The following TRPM3 variants were observed in gnomAD, a reference collection of about 807,000 sequenced individuals.
TRPM3 encodes long transient receptor potential channel 3.
In TRPM3, 77 loss-of-function variants were observed where a neutral mutation model predicts 181.2. The observed-to-expected ratio is 0.42, with a 90% CI of 0.35 to 0.51. The LOEUF is 0.51. Ranked by LOEUF, TRPM3 falls within the 20% of genes least tolerant of loss-of-function variation. The pLI is 0.01. For missense variants in TRPM3, 1,759 were observed against 2,196.7 expected (o/e 0.80, Z 3.98); for synonymous variants, 745 against 796.4 (o/e 0.94, Z 1.09).
In TRPM3 at chr9:71,446,751, G is replaced by T. The variant is rs1326097182; in HGVS notation, c.85C>A (p.Arg29=). Residue 29 remains arginine (R), a synonymous_variant, in exon 1 of 25, where the codon CGG becomes AGG. Transcript: ENST00000357533. The stretch of plus-strand genomic sequence containing the variant: ...GCAAACCTGCCCCGGCTGGCGCTCC[G>T]GCTGCGTCTGCGGCTCTCCGCGTTG... 1.9e-6 allele frequency: 3 copies of T among 1,550,422 alleles called. No homozygotes were observed. In the African/African-American group the frequency reaches 4.1e-5, roughly 21 times the overall value.
intron 1 of TRPM3, among the ~76,000 whole-genome samples, chr9:71,147,870 G>A (rs2075513136): frequency 6.6e-6 from 1 of 152,114 alleles, no homozygotes; most frequent in Non-Finnish European, 1.5e-5. Flanking sequence ...TTCTAATTAT[G>A]TGGCACTTTC....
intron 1 of TRPM3, among the ~76,000 whole-genome samples, chr9:71,215,360 G>C (rs1189246327): frequency 6.6e-6 from 1 of 152,166 alleles, no homozygotes; most frequent in East Asian, 1.9e-4. Context: ...GCTTGTAACA[G>C]GCATTCCTGG....
At chr9:70,981,747 T>A (rs1309618189) in intron 1 of TRPM3, among the ~76,000 whole-genome samples, 1 of 152,216 alleles carries the variant, frequency 6.6e-6, no homozygotes, top group African/African-American at 2.4e-5. Context: ...ACTATTATCA[T>A]GCAAGGATGA....
At chr9:71,338,799 T>C (rs767325323) in intron 1 of TRPM3, among the ~76,000 whole-genome samples, 1 of 152,152 alleles carries the variant, frequency 6.6e-6, no homozygotes, top group Non-Finnish European at 1.5e-5. Flanking sequence ...GTCAGCATCT[T>C]ACTTGATAGA....
intron 8 of TRPM3, among the ~76,000 whole-genome samples, chr9:70,695,927 G>T (rs774497698): frequency 3.9e-5 from 6 of 152,148 alleles, no homozygotes; most frequent in African/African-American, 1.2e-4. Flanking sequence ...CTGCTTATCT[G>T]CATCCTTTAA....
At chr9:70,679,913 T>A (rs1197296874) in intron 9 of TRPM3, among the ~76,000 whole-genome samples, 4 of 152,170 alleles carry the variant, frequency 2.6e-5, no homozygotes, top group African/African-American at 9.7e-5. Context: ...CAGTATGCTT[T>A]GTGGTTCAGT....
At chr9:70,555,368 C>T (rs2047422594) in intron 22 of TRPM3, among the ~76,000 whole-genome samples, 1 of 152,154 alleles carries the variant, frequency 6.6e-6, no homozygotes. Context: ...GTCACCATTG[C>T]CAGTTTATTC....
At chr9:71,089,013 G>C (rs1285230480) in intron 1 of TRPM3, among the ~76,000 whole-genome samples, 2 of 150,482 alleles carry the variant, frequency 1.3e-5, no homozygotes, top group Admixed American at 6.7e-5. Context: ...AATAATCATG[G>C]TGCTATATTA....
At chr9:71,071,342 T>A (rs1452616786) in intron 1 of TRPM3, among the ~76,000 whole-genome samples, 5 of 152,214 alleles carry the variant, frequency 3.3e-5, no homozygotes, top group Non-Finnish European at 7.3e-5. Flanking sequence ...TATTTGGGAA[T>A]CTTTTGATTA....
At chr9:71,386,308 G>A (rs527383395) in intron 1 of TRPM3, among the ~76,000 whole-genome samples, 9 of 152,014 alleles carry the variant, frequency 5.9e-5, no homozygotes, top group African/African-American at 1.9e-4. Flanking sequence ...AATTAGCCCG[G>A]TGTGGCGGTG....
chr9:71,395,741 T>G (rs997658665), intron 1 of TRPM3, among the ~76,000 whole-genome samples: 2 of 152,358 alleles, frequency 1.3e-5, no homozygotes, highest in South Asian at 2.1e-4. Flanking sequence ...ACTTACTAGG[T>G]TCACGGAATG....
chr9:70,957,152 C>A (rs1056152887), intron 1 of TRPM3, among the ~76,000 whole-genome samples: 1 of 151,800 alleles, frequency 6.6e-6, no homozygotes, highest in Non-Finnish European at 1.5e-5. Flanking sequence ...TTAGTAGAGA[C>A]GGGGTTTCAC....
Position 70,681,595 on chromosome 9 carries a change from G to C in TRPM3, c.1273-17C>G. ...TACCGTAATCTGCAATTTGAGACAA[G>C]GTGATCATTAGCAAAGCATTTTTCC... On this transcript the variant is annotated splice_polypyrimidine_tract_variant and intron_variant, in intron 8 of 25. Coordinates refer to ENST00000677713, the MANE Select transcript of TRPM3 (RefSeq NM_001366145.2). The C allele has an allele frequency of 6.2e-7, 1 of 1,611,700 alleles. No homozygotes were observed. Among genetic ancestry groups the C allele is most frequent in the Non-Finnish European group, 8.5e-7 (1 of 1,177,946 alleles).
In TRPM3 at chr9:70,745,624, C is replaced by T. The variant is rs190596320; in HGVS notation, c.1272+15977G>A. ...AAACTTTTCTAAACTTGATGCATGA[C>T]TCTATGACTTTGAGCCATTTGGTGT... On this transcript the variant is annotated intron_variant, in intron 8 of 25. Transcript: ENST00000677713. Among the ~76,000 whole-genome samples the T allele has an allele frequency of 3.9e-5, 6 of 152,262 alleles. No homozygotes were observed. In the East Asian group the frequency reaches 1.2e-3, roughly 29 times the overall value.
chr9:70,575,043 G>T (rs992807263), intron 22 of TRPM3, among the ~76,000 whole-genome samples: 2 of 151,310 alleles, frequency 1.3e-5, no homozygotes, highest in African/African-American at 4.9e-5. Context: ...TCAGGCTCAA[G>T]CTATTCTTCC....
chr9:71,273,735 T>C (rs1280605223), intron 1 of TRPM3, among the ~76,000 whole-genome samples: 1 of 152,162 alleles, frequency 6.6e-6, no homozygotes, highest in African/African-American at 2.4e-5. Context: ...CGATGACAAA[T>C]GTATGCAACT....
At position 70,603,390 on chromosome 9, in the gene TRPM3, C is replaced by A. The variant is rs1278983388; in HGVS notation, c.2748G>T (p.Trp916Cys). 6.2e-7 allele frequency: 1 copy of A among 1,614,086 alleles called. No homozygotes were observed. Among genetic ancestry groups the A allele is most frequent in the South Asian group, 1.1e-5 (1 of 91,070 alleles). ...GGGTGAAAATATAGGAGATTACGAT[C>A]CATTCCTGGGTGGACGGCCAGCGTT... ...KMERWPSTQE[W>C]IVISYIFTLG... The change falls in exon 20 of 26, where the codon TGG (tryptophan) becomes TGT (cysteine). Residue 916 changes from tryptophan (W) to cysteine (C), a missense_variant. Transcript: ENST00000677713.
intron 1 of TRPM3, among the ~76,000 whole-genome samples, chr9:70,998,963 T>C (rs2097572278): frequency 1.3e-5 from 2 of 152,234 alleles, no homozygotes; most frequent in African/African-American, 4.8e-5. Context: ...GGCACTGTGA[T>C]GGAGGGTAGA....
In TRPM3 at chr9:70,982,513, G is replaced by C. The variant is rs999660292; in HGVS notation, c.178-118002C>G. On this transcript the variant is annotated intron_variant, in intron 1 of 25. Transcript: ENST00000677713. The stretch of plus-strand genomic sequence containing the variant: ...CCAGTCTCCTCAAGAACCTGAGGTA[G>C]GTTACCCACTTTCTTCTCCTATGAA... 8.5e-5 allele frequency among the ~76,000 whole-genome samples: 13 copies of C among 152,252 alleles called. No homozygotes were observed. The East Asian group carries it at 2.5e-3, about 29-fold the overall frequency.
Sources: gnomAD v4.1 joint callset for allele counts (sites outside exome capture counted in the v4.1 genomes callset) on GRCh38, gnomAD v4.1.1 for gene constraint, MANE v1.5 for transcripts, NCBI Gene and HGNC (gene_info 2026-07-23, HGNC 2026-07-21) for gene names.